The following CNNM4 variants were observed in gnomAD, a reference collection of about 807,000 sequenced individuals.
The protein encoded by CNNM4 is metal transporter CNNM4.
Under a neutral mutation model 53.7 loss-of-function variants are expected in CNNM4, and 32 were observed. That is an observed-to-expected ratio of 0.60 (90% confidence interval 0.45 to 0.80). The LOEUF (loss-of-function observed/expected upper bound fraction) is 0.80, where lower values mean the gene tolerates loss of function less well. Among genes scored for constraint, CNNM4 ranks in the 30% least tolerant of loss-of-function variants. The pLI is 0.00. For missense variants in CNNM4, 784 were observed against 1,022.0 expected (o/e 0.77, Z 3.17); for synonymous variants, 410 against 440.0 (o/e 0.93, Z 0.85).
chr2:96,761,877 G>A lies in CNNM4; in HGVS notation c.878G>A (p.Arg293Gln). 1.9e-6 allele frequency: 3 copies of A among 1,614,134 alleles called. No individual in the cohort carries two copies. The highest frequency in any genetic ancestry group is 2.5e-6 in the Non-Finnish European group (3 of 1,180,014). ...GEILPQALCS[R>Q]HGLAVGANTI... The stretch of plus-strand genomic sequence containing the variant: ...ATCCTACCTCAGGCCCTGTGCTCCC[G>A]ACATGGGCTGGCTGTGGGTGCCAAC... Residue 293 changes from arginine (R) to glutamine (Q), a missense_variant, in exon 1 of 7, where the codon CGA (arginine) becomes CAA (glutamine). Arg to Gln is a conservative substitution (Grantham distance 43). Around this residue, in one of 3 missense-constraint regions of CNNM4, gnomAD observed 473 missense variants for 624.6 expected, o/e 0.76. Coordinates refer to ENST00000377075, the MANE Select transcript of CNNM4 (RefSeq NM_020184.4). This position sits in a 1 kb window ranked among gnomAD's most constrained non-coding sequence, Gnocchi z 6.0.
intron 1 of CNNM4, among the ~76,000 whole-genome samples, chr2:96,771,683 C>T (rs1442794418): frequency 6.7e-6 from 1 of 148,932 alleles, no homozygotes; most frequent in African/African-American, 2.5e-5. Flanking sequence ...CACTGCACTC[C>T]AGCCTGGGCG....
Position 96,762,275 on chromosome 2 carries a change from G to T in CNNM4, c.1276G>T (p.Asp426Tyr). ...TATTGTAGATATTCTCTACGTCAAA[G>T]ACTTGGCCTTTGTGGACCCCGATGA... ...SNIVDILYVKDLAFVDPDDCT... is the reference protein window; with the variant it reads ...SNIVDILYVKYLAFVDPDDCT... The change falls in exon 1 of 7, where the codon GAC becomes TAC. Residue 426 changes from aspartate (D) to tyrosine (Y), a missense_variant. Physicochemically the swap from Asp to Tyr is radical, Grantham distance 160. Around this residue, in one of 3 missense-constraint regions of CNNM4, gnomAD observed 473 missense variants for 624.6 expected, o/e 0.76. Transcript: ENST00000377075. 6.2e-7 allele frequency: 1 copy of T among 1,614,148 alleles called. No individual in the cohort carries two copies. Among genetic ancestry groups the T allele is most frequent in the Non-Finnish European group, 8.5e-7 (1 of 1,180,032 alleles).
At chr2:96,782,851 A>G (rs1001255356) in intron 1 of CNNM4, among the ~76,000 whole-genome samples, 1 of 152,172 alleles carries the variant, frequency 6.6e-6, no homozygotes, top group Non-Finnish European at 1.5e-5. Flanking sequence ...GTATTTCAGC[A>G]AAGTATTTAA....
In CNNM4 at chr2:96,762,134, C is replaced by T. The variant is rs1205626284; in HGVS notation, c.1135C>T (p.Gln379Ter). ...RTKTVEDIMT[Q>*]LQDCFMIRSD... is the part of the protein sequence containing the mutation. ...CAAAACTGTAGAGGATATCATGACC[C>T]AGCTCCAGGACTGCTTCATGATCCG... The change falls in exon 1 of 7, where the codon CAG becomes TAG. Residue 379 changes from glutamine to a stop codon, truncating the protein, a stop_gained. Transcript: ENST00000377075. LOFTEE classifies it high-confidence loss of function. 1 of 1,614,096 alleles carries T rather than the reference C, an allele frequency of 6.2e-7. No individual in the cohort carries two copies. Among genetic ancestry groups the T allele is most frequent in the East Asian group, 2.2e-5 (1 of 44,878 alleles).
At chr2:96,792,811 A>G (rs534958410) in intron 1 of CNNM4, among the ~76,000 whole-genome samples, 4 of 152,056 alleles carry the variant, frequency 2.6e-5, no homozygotes, top group Non-Finnish European at 4.4e-5. Context: ...TCAAAAAAAA[A>G]AGAGAGGAGG....
intron 1 of CNNM4, among the ~76,000 whole-genome samples, chr2:96,794,684 T>C (rs2079088466): frequency 2.0e-5 from 3 of 152,098 alleles, no homozygotes; most frequent in Admixed American, 2.0e-4. Flanking sequence ...GAAGGTTGCC[T>C]CTCCCTAGGG....
At position 96,780,748 on chromosome 2, in the gene CNNM4, G is replaced by T. The variant is rs1391223718; in HGVS notation, c.1403-16264G>T. Among the ~76,000 whole-genome samples, 4 of 151,428 alleles carry T rather than the reference G, an allele frequency of 2.6e-5. No homozygotes were observed. The East Asian group carries it at 7.7e-4, about 29-fold the overall frequency. On this transcript the variant is annotated intron_variant, in intron 1 of 6. Coordinates refer to ENST00000377075, the MANE Select transcript of CNNM4 (RefSeq NM_020184.4). ...TTTGTTTTTATTTGTTTGTTTGTTT[G>T]TTTTTTTGAGATGGAGTCTCCCTCT...
At chr2:96,777,465 C>A (rs1263504600) in intron 1 of CNNM4, among the ~76,000 whole-genome samples, 1 of 152,134 alleles carries the variant, frequency 6.6e-6, no homozygotes, top group African/African-American at 2.4e-5. Context: ...TTCCACTTTA[C>A]AACCTCCTGA....
chr2:96,811,230 T>C lies in CNNM4; in HGVS notation c.*1713T>C, dbSNP rs900106360. 6.6e-6 allele frequency: 1 copy of C among 152,198 alleles called. No individual in the cohort carries two copies. Among genetic ancestry groups the C allele is most frequent in the African/African-American group, 2.4e-5 (1 of 41,450 alleles). The allele number at this position is 152,198 out of a possible 1,614,324, so 9.4% of individuals were successfully genotyped here. A position where few individuals can be genotyped will look rare whatever the true frequency, so the allele number is the denominator to read the frequency against. On this transcript the variant is annotated 3_prime_UTR_variant, in exon 7 of 7. Coordinates refer to ENST00000377075, the MANE Select transcript of CNNM4 (RefSeq NM_020184.4). ...GTGGTGACACCCATGGGTTCTCAAC[T>C]GTAAGGAAAAAAGACACCAGACTTT...
chr2:96,771,073 G>C (rs542077550), intron 1 of CNNM4, among the ~76,000 whole-genome samples: 143 of 152,284 alleles, frequency 9.4e-4, no homozygotes, highest in African/African-American at 3.2e-3. Flanking sequence ...GGAAGCAGCT[G>C]TCTGGCCGGT....
chr2:96,790,320 A>T (rs926216245), intron 1 of CNNM4, among the ~76,000 whole-genome samples: 2 of 138,182 alleles, frequency 1.4e-5, no homozygotes, highest in African/African-American at 2.7e-5. Flanking sequence ...ATTTTTTTTT[A>T]AAGTTAATTT....
rs373899399 is a variant in CNNM4 at position 96,799,638 on chromosome 2, G to C, written c.1938G>C (p.Ser646=). The part of the protein sequence containing the change: ...FSYYGTMALT[S]VPSDRSPAHP... ...ACTATGGGACTATGGCCCTGACCTC[G>C]GTCCCCTCCGGTGAGTTGTTGGGCA... The change falls in exon 5 of 7, where the codon TCG becomes TCC. Residue 646 remains serine (S), a synonymous_variant. Transcript: ENST00000377075. 4 of 1,551,512 alleles carry C rather than the reference G, an allele frequency of 2.6e-6. No individual in the cohort carries two copies. In the East Asian group the frequency reaches 9.8e-5, roughly 38 times the overall value.
chr2:96,767,684 T>G (rs2153343946), intron 1 of CNNM4, among the ~76,000 whole-genome samples: 1 of 152,322 alleles, frequency 6.6e-6, no homozygotes, highest in Non-Finnish European at 1.5e-5. Context: ...CCAGCCAGCC[T>G]GGTCACTGAC....
intron 5 of CNNM4, among the ~76,000 whole-genome samples, chr2:96,807,667 G>A (rs1235837611): frequency 5.3e-5 from 8 of 151,896 alleles, no homozygotes; most frequent in African/African-American, 1.5e-4. Context: ...CCTGGGAGGC[G>A]GAGGTTGCAG....
chr2:96,793,671 A>G (rs959852651), intron 1 of CNNM4, among the ~76,000 whole-genome samples: 1 of 152,194 alleles, frequency 6.6e-6, no homozygotes, highest in African/African-American at 2.4e-5. Flanking sequence ...CCACTATAAG[A>G]GAGGCTGCCA....
chr2:96,772,537 A>G (rs2078886042), intron 1 of CNNM4, among the ~76,000 whole-genome samples: 1 of 120,608 alleles, frequency 8.3e-6, no homozygotes, highest in Non-Finnish European at 1.7e-5. Flanking sequence ...AGGCACTCAC[A>G]CACACATGCG....
chr2:96,781,755 G>A (rs931362952), intron 1 of CNNM4, among the ~76,000 whole-genome samples: 3 of 152,110 alleles, frequency 2.0e-5, no homozygotes, highest in African/African-American at 7.2e-5. Context: ...TTCCCTGGAG[G>A]AAGGACAATT....
intron 1 of CNNM4, among the ~76,000 whole-genome samples, chr2:96,769,283 A>G (rs1179283847): frequency 6.6e-6 from 1 of 151,240 alleles, no homozygotes; most frequent in Non-Finnish European, 1.5e-5. Flanking sequence ...AGCAGGCAGA[A>G]TGGAGAGCTG....
At chr2:96,802,375 C>A (rs2079167811) in intron 5 of CNNM4, among the ~76,000 whole-genome samples, 1 of 152,246 alleles carries the variant, frequency 6.6e-6, no homozygotes, top group Admixed American at 6.5e-5. Context: ...TAAGCACTTC[C>A]TGCTCCAGGC....
Sources: allele counts gnomAD v4.1 joint callset (sites outside exome capture counted in the v4.1 genomes callset), GRCh38; gene constraint gnomAD v4.1.1; regional missense constraint gnomAD v4.1.1; non-coding constraint Gnocchi (gnomAD v3.1); transcripts MANE v1.5; gene names NCBI Gene and HGNC (gene_info 2026-07-23, HGNC 2026-07-21).